The following CFAP70 variants were observed in gnomAD, a reference collection of about 807,000 sequenced individuals.
CFAP70 encodes cilia- and flagella-associated protein 70.
Under a neutral mutation model 137.6 loss-of-function variants are expected in CFAP70, and 81 were observed. The ratio of observed to expected loss-of-function variants is 0.59; its 90% CI spans 0.49 to 0.71. The LOEUF is 0.71. Among genes scored for constraint, CFAP70 ranks in the 30% least tolerant of loss-of-function variants. The pLI, the probability that CFAP70 is intolerant of heterozygous loss-of-function variation, is 0.00. For missense variants in CFAP70, 976 were observed against 1,226.7 expected (o/e 0.80, Z 3.05); for synonymous variants, 382 against 423.6 (o/e 0.90, Z 1.20).
chr10:73,253,974 A>T (rs779021509), exon 27 of CFAP70: 41 of 1,603,478 alleles, frequency 2.6e-5, no homozygotes, highest in Non-Finnish European at 3.2e-5. Context: ...CTGGAGGGGT[A>T]TCAGAAAGAT....
intron 8 of CFAP70, among the ~76,000 whole-genome samples, chr10:73,325,639 A>G (rs2051334470): frequency 6.6e-6 from 1 of 152,176 alleles, no homozygotes; most frequent in Non-Finnish European, 1.5e-5. Context: ...AGGATGGAGG[A>G]AGATCTACCA....
chr10:73,315,831 C>T (rs1183417531), intron 9 of CFAP70, among the ~76,000 whole-genome samples: 3 of 152,194 alleles, frequency 2.0e-5, no homozygotes, highest in African/African-American at 7.2e-5. Flanking sequence ...TTCTAAAGTC[C>T]TGGGATTACA....
exon 10 of CFAP70, chr10:73,312,497 A>C: frequency 6.2e-7 from 1 of 1,610,290 alleles, no homozygotes; most frequent in South Asian, 1.1e-5. Context: ...TAGGCCTTCC[A>C]TCTATATCCT....
intron 7 of CFAP70, among the ~76,000 whole-genome samples, chr10:73,334,030 A>G (rs2132328131): frequency 6.6e-6 from 1 of 152,258 alleles, no homozygotes; most frequent in South Asian, 2.1e-4. Context: ...TATCTGCTCA[A>G]TTTTTCTGCT....
At chr10:73,297,140 A>G in exon 15 of CFAP70, 1 of 1,613,692 alleles carries the variant, frequency 6.2e-7, no homozygotes, top group African/African-American at 1.3e-5. Context: ...GTTGTCTTCA[A>G]GTATTTATCT....
chr10:73,293,268 T>C (rs2048305662), exon 16 of CFAP70: 1 of 1,608,538 alleles, frequency 6.2e-7, no homozygotes, highest in Non-Finnish European at 8.5e-7. Context: ...ATTACCTCTT[T>C]ATAATATGCT....
intron 14 of CFAP70, 26 bp downstream of exon 15, chr10:73,298,881 A>C (rs746098522): frequency 5.8e-5 from 93 of 1,604,274 alleles, no homozygotes; most frequent in Non-Finnish European, 6.8e-5. Flanking sequence ...ACACCCATGG[A>C]GTAATTAAAC....
chr10:73,344,930 A>G (rs1449530215), intron 5 of CFAP70, 135 bp downstream of exon 6: 1 of 586,742 alleles, frequency 1.7e-6, no homozygotes, highest in African/African-American at 1.8e-5. Flanking sequence ...AATAAACTGT[A>G]TTTTTCAAGC....
chr10:73,291,751 A>G, exon 18 of CFAP70: 1 of 1,614,166 alleles, frequency 6.2e-7, no homozygotes, highest in Non-Finnish European at 8.5e-7. Flanking sequence ...CCACACAGCA[A>G]CAAGCTGAGA....
chr10:73,353,886 G>A (rs1165426962), intron 2 of CFAP70, 144 bp from the exon 3 acceptor site: 15 of 692,022 alleles, frequency 2.2e-5, no homozygotes, highest in Non-Finnish European at 3.6e-5. Context: ...GGAATAGGTA[G>A]AAAAATCATT....
chr10:73,360,222 T>A (rs57648135), upstream of CFAP70, among the ~76,000 whole-genome samples: 3,819 of 152,146 alleles, frequency 0.025, 171 homozygotes, highest in African/African-American at 0.085. Context: ...GGTAGGAGAG[T>A]GTCCCTGTTT....
intron 9 of CFAP70, among the ~76,000 whole-genome samples, chr10:73,316,557 T>C (rs1480270294): frequency 1.3e-5 from 2 of 148,550 alleles, no homozygotes; most frequent in African/African-American, 2.5e-5. Flanking sequence ...TGTATGGACA[T>C]ACACACATAT....
chr10:73,330,805 A>C (rs1271920281), intron 8 of CFAP70, among the ~76,000 whole-genome samples: 2 of 152,178 alleles, frequency 1.3e-5, no homozygotes, highest in Non-Finnish European at 2.9e-5. Flanking sequence ...ACAGTAGTAT[A>C]TCTAAGATCC....
chr10:73,338,864 T>A (rs1004765435), intron 6 of CFAP70, among the ~76,000 whole-genome samples: 3 of 152,034 alleles, frequency 2.0e-5, no homozygotes, highest in African/African-American at 7.2e-5. Context: ...TATGCACGAA[T>A]TTTGGTATTT....
chr10:73,316,503 T>TATATATATAG (rs2132144223), intron 9 of CFAP70, among the ~76,000 whole-genome samples: 1 of 139,776 alleles, frequency 7.2e-6, no homozygotes, highest in African/African-American at 2.7e-5. Context: ...TATATATATA[T>TATATATATAG]ATATATATAT....
intron 8 of CFAP70, among the ~76,000 whole-genome samples, chr10:73,325,608 C>A (rs2051330362): frequency 6.6e-6 from 1 of 152,116 alleles, no homozygotes; most frequent in Non-Finnish European, 1.5e-5. Context: ...CGTGCAGGGA[C>A]ACACATAGGC....
At chr10:73,278,439 T>C in intron 19 of CFAP70, 102 bp from the exon 21 acceptor site, 1 of 893,030 alleles carries the variant, frequency 1.1e-6, no homozygotes, top group Non-Finnish European at 1.7e-6. Flanking sequence ...ACATATTCCC[T>C]AAATATTTCA....
intron 4 of CFAP70, among the ~76,000 whole-genome samples, chr10:73,345,969 G>T (rs771881366): frequency 6.6e-6 from 1 of 150,444 alleles, no homozygotes; most frequent in Non-Finnish European, 1.5e-5. Flanking sequence ...GCATGATCTC[G>T]GCTCACTGCA....
At chr10:73,327,228 G>C (rs1377695581) in intron 8 of CFAP70, among the ~76,000 whole-genome samples, 1 of 150,870 alleles carries the variant, frequency 6.6e-6, no homozygotes, top group Non-Finnish European at 1.5e-5. Flanking sequence ...CAGAACCAAA[G>C]ACAAAAACCA....
Sources: allele counts gnomAD v4.1 joint callset (sites outside exome capture counted in the v4.1 genomes callset), GRCh38; gene constraint gnomAD v4.1.1; transcripts MANE v1.5; gene names NCBI Gene and HGNC (gene_info 2026-07-23, HGNC 2026-07-21).